Variants in CASZ1 observed in about 807,000 individuals in gnomAD.
The protein encoded by CASZ1 is castor zinc finger 1, also known as zinc finger protein castor homolog 1.
CASZ1 carries 28 observed loss-of-function variants against 135.2 expected under a neutral mutation model. That is an observed-to-expected ratio of 0.21 (90% CI 0.15 to 0.28). CASZ1 has a LOEUF of 0.28. Among genes scored for constraint, CASZ1 ranks in the 10% least tolerant of loss-of-function variants. The pLI is 1.00. For synonymous variants in CASZ1, 1,068 were observed against 1,073.4 expected (o/e 0.99, Z 0.10); for missense variants, 2,161 against 2,453.3 (o/e 0.88, Z 2.52).
At chr1:10,673,731 C>T (rs187502690) in intron 4 of CASZ1, among the ~76,000 whole-genome samples, 39 of 152,330 alleles carry the variant, frequency 2.6e-4, no homozygotes, top group Non-Finnish European at 4.0e-4. Flanking sequence ...CTAGGGAACC[C>T]GGTCCCTGAA....
At position 10,707,956 on chromosome 1, in the gene CASZ1, A is replaced by G. The variant is rs1639210831; in HGVS notation, c.-76-2412T>C. On this transcript the variant is annotated intron_variant, in intron 2 of 20. Transcript: ENST00000377022. The surrounding 1 kb of genome is among the most constrained non-coding windows in gnomAD (Gnocchi z 5.0). ...GGGCTGAAGTGAAGTGAACTCTTCCAGGCTAAGAAAGAAAAGCCATGTGCT... is the reference window on the plus strand; with the variant it reads ...GGGCTGAAGTGAAGTGAACTCTTCCGGGCTAAGAAAGAAAAGCCATGTGCT... Among the ~76,000 whole-genome samples the G allele has an allele frequency of 6.6e-6, 1 of 152,220 alleles. No individual in the cohort carries two copies. The highest frequency in any genetic ancestry group is 1.5e-5 in the Non-Finnish European group (1 of 68,032).
intron 2 of CASZ1, among the ~76,000 whole-genome samples, chr1:10,715,198 G>C (rs1171649763): frequency 1.3e-5 from 2 of 152,206 alleles, no homozygotes; most frequent in African/African-American, 4.8e-5. Context: ...CCTCCATCCT[G>C]TTTGAGGGGT....
chr1:10,712,639 G>A (rs190774), intron 2 of CASZ1, among the ~76,000 whole-genome samples: 6,200 of 152,186 alleles, frequency 0.041, 317 homozygotes, highest in East Asian at 0.11. Context: ...GGGCTCCACA[G>A]GATGTGCTGT....
At chr1:10,728,681 C>A (rs1639639546) in intron 2 of CASZ1, among the ~76,000 whole-genome samples, 1 of 151,334 alleles carries the variant, frequency 6.6e-6, no homozygotes, top group African/African-American at 2.4e-5. Context: ...CCATGGAGAC[C>A]CCGGCTTGAA....
intron 4 of CASZ1, among the ~76,000 whole-genome samples, chr1:10,685,436 C>T (rs2100376990): frequency 6.6e-6 from 1 of 152,366 alleles, no homozygotes; most frequent in East Asian, 1.9e-4. Flanking sequence ...AATATTCACT[C>T]ATCTAGGCCC....
chr1:10,671,763 C>T (rs79521825), intron 4 of CASZ1, among the ~76,000 whole-genome samples: 2,021 of 152,322 alleles, frequency 0.013, 23 homozygotes, highest in Non-Finnish European at 0.022. Flanking sequence ...TCGCTATGCC[C>T]GAGGCTGGCA....
rs747005527 is a variant in CASZ1 at position 10,725,320 on chromosome 1, C to T, written c.-76-19776G>A. On this transcript the variant is annotated intron_variant, in intron 2 of 20. Transcript: ENST00000377022. This position sits in a 1 kb window ranked among gnomAD's most constrained non-coding sequence, Gnocchi z 4.4. The stretch of plus-strand genomic sequence containing the variant: ...CACCGTGGCCGCCTCCCGCTGCATG[C>T]GTGTGGCTGTCAGCTGAGCTCCCCT... 3.5e-4 allele frequency among the ~76,000 whole-genome samples: 53 copies of T among 152,244 alleles called. No individual in the cohort carries two copies. The highest frequency in any genetic ancestry group is 6.9e-4 in the Non-Finnish European group (47 of 68,044).
intron 3 of CASZ1, among the ~76,000 whole-genome samples, chr1:10,704,839 C>T (rs576377558): frequency 2.0e-5 from 3 of 152,232 alleles, no homozygotes; most frequent in Non-Finnish European, 2.9e-5. Context: ...CGGTTTCTCG[C>T]GCCACCACCC....
At position 10,717,058 on chromosome 1, in the gene CASZ1, G is replaced by T. The variant is rs1306420948; in HGVS notation, c.-76-11514C>A. 6.6e-6 allele frequency among the ~76,000 whole-genome samples: 1 copy of T among 152,242 alleles called. No individual in the cohort carries two copies. The highest frequency in any genetic ancestry group is 1.5e-5 in the Non-Finnish European group (1 of 68,048). On this transcript the variant is annotated intron_variant, in intron 2 of 20. Transcript: ENST00000377022. The surrounding 1 kb of genome is among the most constrained non-coding windows in gnomAD (Gnocchi z 4.6). ...CTCAGGGCTCCCCTAGAGAGACTCA[G>T]ATGGGCTGGGCTGCTGGAGGGACAG... is the stretch of plus-strand genomic sequence containing the variant.
Position 10,653,873 on chromosome 1 carries a change from G to A in CASZ1, c.2184C>T (p.Phe728=). 3 of 1,613,126 alleles carry A rather than the reference G, an allele frequency of 1.9e-6. No homozygotes were observed. Among genetic ancestry groups the A allele is most frequent in the Non-Finnish European group, 2.5e-6 (3 of 1,179,484 alleles). Residue 728 remains phenylalanine (F), a synonymous_variant, in exon 11 of 21, where the codon TTC becomes TTT. Transcript: ENST00000377022. ...EESSNDDLVD[F]SALSSKNSSL... ...TGGAGTTCTTGCTGCTCAGGGCGGAGAAGTCAACAAGGTCGTCGTTGCTGG... is the reference window on the plus strand; with the variant it reads ...TGGAGTTCTTGCTGCTCAGGGCGGAAAAGTCAACAAGGTCGTCGTTGCTGG...
Position 10,739,833 on chromosome 1 carries a change from G to A in CASZ1, c.-77+20868C>T, listed in dbSNP as rs555597990. Among the ~76,000 whole-genome samples the A allele has an allele frequency of 6.6e-5, 10 of 152,164 alleles. No individual in the cohort carries two copies. The highest frequency in any genetic ancestry group is 2.4e-4 in the African/African-American group (10 of 41,498). On this transcript the variant is annotated intron_variant, in intron 2 of 20. Coordinates refer to ENST00000377022, the MANE Select transcript of CASZ1 (RefSeq NM_001079843.3). This position sits in a 1 kb window ranked among gnomAD's most constrained non-coding sequence, Gnocchi z 4.8. ...CACTGGTCCTGGCTCTTCCTTCCCC[G>A]CTGAAATGAGTTGAGGCTGAGACCT...
chr1:10,737,313 GTGGGCCCTCCCCTCTCAGGC>G (rs1416036483), intron 2 of CASZ1, among the ~76,000 whole-genome samples: 2 of 152,154 alleles, frequency 1.3e-5, no homozygotes. Flanking sequence ...CCTCACCCTC[GTGGGCCCTCCCCTCTCAGGC>G]TGGGCATGGA....
chr1:10,646,370 C>G lies in CASZ1; in HGVS notation c.3498-44G>C. ...CCAGAAGGTCATTGCCATTCTCAAG[C>G]CCTCCCTGCTGGTGTCCTGACTTCA... On this transcript the variant is annotated intron_variant, in intron 16 of 20. Transcript: ENST00000377022. The surrounding 1 kb of genome is among the most constrained non-coding windows in gnomAD (Gnocchi z 6.4). 1 of 1,591,442 alleles carries G rather than the reference C, an allele frequency of 6.3e-7. No individual in the cohort carries two copies. Among genetic ancestry groups the G allele is most frequent in the Non-Finnish European group, 8.6e-7 (1 of 1,162,602 alleles).
At chr1:10,793,782 T>C (rs950520622) in intron 1 of CASZ1, among the ~76,000 whole-genome samples, 9 of 151,986 alleles carry the variant, frequency 5.9e-5, no homozygotes, top group Non-Finnish European at 8.8e-5. Flanking sequence ...AGATGGTGGC[T>C]ACCTCCTGGA....
At chr1:10,750,083 C>T (rs913632040) in intron 2 of CASZ1, among the ~76,000 whole-genome samples, 1 of 152,092 alleles carries the variant, frequency 6.6e-6, no homozygotes, top group Non-Finnish European at 1.5e-5. Flanking sequence ...CTGGCAGGGG[C>T]CCGGGGGCAG....
At chr1:10,664,570 G>A (rs1366044727) in intron 5 of CASZ1, among the ~76,000 whole-genome samples, 1 of 152,044 alleles carries the variant, frequency 6.6e-6, no homozygotes, top group Non-Finnish European at 1.5e-5. Flanking sequence ...GAAGGAAGAG[G>A]AGGCCAAGGG....
At chr1:10,692,105 CT>C (rs1330245407) in intron 4 of CASZ1, among the ~76,000 whole-genome samples, 1 of 152,240 alleles carries the variant, frequency 6.6e-6, no homozygotes, top group Non-Finnish European at 1.5e-5. Context: ...TGCCACCTGC[CT>C]CCTACCAGGG....
rs1030047302 is a variant in CASZ1, at chr1:10,751,054, G to A, written c.-77+9647C>T. Among the ~76,000 whole-genome samples, 6 of 151,756 alleles carry A rather than the reference G, an allele frequency of 4.0e-5. 1 individual carries two copies. The South Asian group carries it at 1.2e-3, about 32-fold the overall frequency. The stretch of plus-strand genomic sequence containing the variant: ...GGTGAGCACCCTGTGCATGCTGGCT[G>A]CGATTGTAACTGTCATTGCTATTAT... On this transcript the variant is annotated intron_variant, in intron 2 of 20. Transcript: ENST00000377022.
intron 4 of CASZ1, among the ~76,000 whole-genome samples, chr1:10,683,896 G>A (rs1414500097): frequency 2.0e-5 from 3 of 152,228 alleles, no homozygotes; most frequent in Non-Finnish European, 4.4e-5. Context: ...CGGGGCCAGA[G>A]ATGTTTGGGG....
Sources: allele counts gnomAD v4.1 joint callset (sites outside exome capture counted in the v4.1 genomes callset), GRCh38; gene constraint gnomAD v4.1.1; non-coding constraint Gnocchi (gnomAD v3.1); transcripts MANE v1.5; gene names NCBI Gene and HGNC (gene_info 2026-07-23, HGNC 2026-07-21).